The following TINAG variants were observed in gnomAD, a reference collection of about 807,000 sequenced individuals.
The protein encoded by TINAG is tubulointerstitial nephritis antigen.
Under a neutral mutation model 72.7 loss-of-function variants are expected in TINAG, and 83 were observed. The observed-to-expected ratio is 1.14, with a 90% confidence interval of 0.96 to 1.37. TINAG has a LOEUF of 1.37. Ranked by LOEUF, TINAG falls within the 40% of genes most tolerant of loss-of-function variation. The probability of loss-of-function intolerance (pLI) is 0.00; values close to 1 mark genes in which losing one functional copy is unlikely to be tolerated. For synonymous variants in TINAG, 234 were observed against 189.9 expected, an observed-to-expected ratio of 1.23 and a Z score of -1.91; for missense variants, 685 against 576.6, an observed-to-expected ratio of 1.19 and a Z score of -1.93.
chr6:54,386,306 G>T (rs1360330756), intron 10 of TINAG, among the ~76,000 whole-genome samples: 3 of 152,082 alleles, frequency 2.0e-5, no homozygotes. Context: ...ATTTATTATC[G>T]CAGTGTTTCT....
intron 9 of TINAG, among the ~76,000 whole-genome samples, chr6:54,373,077 C>T (rs921805488): frequency 2.0e-5 from 3 of 151,986 alleles, no homozygotes; most frequent in African/African-American, 7.2e-5. Flanking sequence ...TTCTCCATTC[C>T]CATCAATGTA....
At chr6:54,351,280 A>G in intron 7 of TINAG, 72 bp from the exon 8 acceptor site, 1 of 1,362,016 alleles carries the variant, frequency 7.3e-7, no homozygotes, top group Non-Finnish European at 1.0e-6. Context: ...AACACTTAAC[A>G]TTGTACACCA....
chr6:54,363,701 G>A (rs1763316297), intron 9 of TINAG, among the ~76,000 whole-genome samples: 1 of 150,794 alleles, frequency 6.6e-6, no homozygotes. Context: ...CACAGAAAAA[G>A]AAGACAGACT....
chr6:54,320,758 C>T (rs897936892), intron 2 of TINAG, 116 bp downstream of exon 2: 4 of 665,970 alleles, frequency 6.0e-6, no homozygotes, highest in Admixed American at 3.0e-5. Context: ...CAGAATCATA[C>T]ATCATAAGAC....
intron 4 of TINAG, among the ~76,000 whole-genome samples, chr6:54,336,710 C>G (rs1784872674): frequency 6.6e-6 from 1 of 151,932 alleles, no homozygotes; most frequent in Non-Finnish European, 1.5e-5. Context: ...CCCAAGGAGA[C>G]TAATTAGGTT....
intron 1 of TINAG, among the ~76,000 whole-genome samples, chr6:54,318,721 C>G (rs535314672): frequency 6.6e-6 from 1 of 152,002 alleles, no homozygotes; most frequent in African/African-American, 2.4e-5. Flanking sequence ...TCTGTAAATG[C>G]TGTGTGGGAA....
chr6:54,362,520 A>C (rs1432917446), intron 9 of TINAG, among the ~76,000 whole-genome samples: 1 of 151,644 alleles, frequency 6.6e-6, no homozygotes. Context: ...TTGAAAATGC[A>C]CCTAATCACC....
chr6:54,322,355 A>T (rs1449357265), intron 3 of TINAG, among the ~76,000 whole-genome samples: 2 of 152,094 alleles, frequency 1.3e-5, no homozygotes, highest in East Asian at 1.9e-4. Context: ...AAGAAACATA[A>T]AAAGATACAG....
chr6:54,375,196 T>G (rs568114636), intron 9 of TINAG, among the ~76,000 whole-genome samples: 39 of 152,298 alleles, frequency 2.6e-4, no homozygotes, highest in Middle Eastern at 3.4e-3. Context: ...TCTTAACACA[T>G]GAGTTAGGAA....
At chr6:54,376,348 T>C (rs1233247884) in intron 9 of TINAG, among the ~76,000 whole-genome samples, 2 of 152,104 alleles carry the variant, frequency 1.3e-5, no homozygotes, top group Non-Finnish European at 1.5e-5. Flanking sequence ...CAGTAATTTG[T>C]TGAAAAAAAA....
intron 1 of TINAG, among the ~76,000 whole-genome samples, chr6:54,311,084 A>G (rs1000597836): frequency 6.6e-6 from 1 of 151,476 alleles, no homozygotes; most frequent in African/African-American, 2.4e-5. Context: ...ATTTTTATAT[A>G]CCCTTTAACA....
intron 4 of TINAG, among the ~76,000 whole-genome samples, chr6:54,330,227 CA>C (rs748788717): frequency 4.6e-5 from 7 of 152,154 alleles, no homozygotes; most frequent in Non-Finnish European, 1.0e-4. Flanking sequence ...GGAAGTAAAA[CA>C]CTCCTCAGCA....
intron 9 of TINAG, among the ~76,000 whole-genome samples, chr6:54,377,049 T>A (rs1763805084): frequency 6.6e-6 from 1 of 152,016 alleles, no homozygotes; most frequent in Non-Finnish European, 1.5e-5. Context: ...AAGTTATTAA[T>A]GAGTCTTAAA....
intron 2 of TINAG, 22 bp from the exon 3 acceptor site, chr6:54,321,275 T>A: frequency 1.2e-6 from 2 of 1,600,926 alleles, no homozygotes; most frequent in Non-Finnish European, 1.7e-6. Context: ...AAGCCACTTT[T>A]GTAATTGTCA....
At chr6:54,310,601 TTCTC>T (rs201698709) in intron 1 of TINAG, among the ~76,000 whole-genome samples, 2,188 of 147,418 alleles carry the variant, frequency 0.015, 79 homozygotes, top group African/African-American at 0.053. Flanking sequence ...TTTCTTTTCT[TTCTC>T]TCTCTCTGTC....
intron 6 of TINAG, among the ~76,000 whole-genome samples, chr6:54,348,135 T>A (rs1282458555): frequency 6.6e-6 from 1 of 152,088 alleles, no homozygotes; most frequent in Non-Finnish European, 1.5e-5. Flanking sequence ...GAGTGTTATA[T>A]ATATGTACTG....
At chr6:54,349,212 G>A (rs1164842203) in intron 6 of TINAG, among the ~76,000 whole-genome samples, 1 of 151,500 alleles carries the variant, frequency 6.6e-6, no homozygotes, top group Non-Finnish European at 1.5e-5. Flanking sequence ...TTTGTATTAT[G>A]TGAACATATC....
At chr6:54,357,220 T>C (rs1446214141) in intron 9 of TINAG, among the ~76,000 whole-genome samples, 1 of 151,900 alleles carries the variant, frequency 6.6e-6, no homozygotes, top group Admixed American at 6.6e-5. Flanking sequence ...TTGCTGCATT[T>C]TCCCCCCTGT....
chr6:54,318,955 G>T (rs573356061), intron 1 of TINAG, among the ~76,000 whole-genome samples: 11 of 152,208 alleles, frequency 7.2e-5, no homozygotes, highest in African/African-American at 2.4e-4. Flanking sequence ...ACCAAGAAAT[G>T]GAGTTTTTGT....
Sources: allele counts gnomAD v4.1 joint callset (sites outside exome capture counted in the v4.1 genomes callset), GRCh38; gene constraint gnomAD v4.1.1; transcripts MANE v1.5; gene names NCBI Gene and HGNC (gene_info 2026-07-23, HGNC 2026-07-21).